LINGO2: variants seen among roughly 807,000 people sequenced by gnomAD.
LINGO2 encodes leucine rich repeat and Ig domain containing 2.
In LINGO2, 14 loss-of-function variants were observed where a neutral mutation model predicts 30.6. The ratio of observed to expected loss-of-function variants is 0.46; its 90% CI spans 0.30 to 0.72. The LOEUF is 0.72. Ranked by LOEUF, LINGO2 falls within the 30% of genes least tolerant of loss-of-function variation. The pLI, the probability that LINGO2 is intolerant of heterozygous loss-of-function variation, is 0.07. For missense variants in LINGO2, 729 were observed against 751.7 expected (o/e 0.97, Z 0.35); for synonymous variants, 317 against 288.5 (o/e 1.10, Z -1.00).
the LINGO2 span, among the ~76,000 whole-genome samples, chr9:28,767,660 C>T: frequency 1.3e-5 from 2 of 151,824 alleles, no homozygotes; most frequent in African/African-American, 2.4e-5. Context: ...GTGGTGGGTG[C>T]CTGTAGTCCC....
chr9:28,667,524 A>G (rs1046151957), intron 1 of LINGO2, among the ~76,000 whole-genome samples: 1 of 152,110 alleles, frequency 6.6e-6, no homozygotes, highest in African/African-American at 2.4e-5. Context: ...CAAGTGGATC[A>G]TTTGAGGTCA....
chr9:28,221,461 T>C (rs1240168394), intron 4 of LINGO2, among the ~76,000 whole-genome samples: 1 of 152,028 alleles, frequency 6.6e-6, no homozygotes, highest in Non-Finnish European at 1.5e-5. Context: ...AAATATATAA[T>C]AAAAATACAT....
At chr9:28,659,278 T>C (rs1448570409) in intron 1 of LINGO2, among the ~76,000 whole-genome samples, 2 of 151,938 alleles carry the variant, frequency 1.3e-5, no homozygotes, top group Admixed American at 6.6e-5. Context: ...AATATGAAGA[T>C]TAAGTAACCT....
intron 4 of LINGO2, among the ~76,000 whole-genome samples, chr9:28,127,233 A>G (rs1451372966): frequency 6.6e-6 from 1 of 152,138 alleles, no homozygotes; most frequent in Non-Finnish European, 1.5e-5. Flanking sequence ...TGGTGAATAG[A>G]ATGTAGTATA....
chr9:28,271,545 C>G (rs1433729851), intron 4 of LINGO2, among the ~76,000 whole-genome samples: 2 of 152,108 alleles, frequency 1.3e-5, no homozygotes, highest in African/African-American at 4.8e-5. Context: ...AAATATTAAA[C>G]TAAAGACACC....
At chr9:28,415,279 G>T (rs1822921437) in intron 2 of LINGO2, among the ~76,000 whole-genome samples, 1 of 152,102 alleles carries the variant, frequency 6.6e-6, no homozygotes, top group Non-Finnish European at 1.5e-5. Context: ...CCAGGACCTT[G>T]GGTCTTTCTC....
chr9:28,769,504 ATATATATATATATATTTTTTTTT>A, the LINGO2 span, among the ~76,000 whole-genome samples: 4 of 3,366 alleles, frequency 1.2e-3, 1 homozygote, highest in Non-Finnish European at 2.1e-3. Context: ...ATATATATAT[ATATATATATATATATTTTTTTTT>A]TTTTTTTTTT....
At chr9:28,898,619 A>G in the LINGO2 span, among the ~76,000 whole-genome samples, 1 of 152,138 alleles carries the variant, frequency 6.6e-6, no homozygotes, top group Non-Finnish European at 1.5e-5. Flanking sequence ...AAAACGCTAA[A>G]TTTGATGATA....
rs1467312996 is a variant in LINGO2, at chr9:28,371,833, G to A, written c.-246+1003C>T. The stretch of plus-strand genomic sequence containing the variant: ...AGTAGACATATTGGCATACACATAA[G>A]CTGAGGAATGTTAGGGAAACTATGC... On this transcript the variant is annotated intron_variant, in intron 3 of 5. Coordinates refer to ENST00000379992, the Ensembl canonical transcript of LINGO2. Among the ~76,000 whole-genome samples the A allele has an allele frequency of 2.0e-5, 3 of 152,248 alleles. No homozygotes were observed. In the East Asian group the frequency reaches 5.8e-4, roughly 29 times the overall value.
At chr9:29,114,306 C>T in the LINGO2 span, among the ~76,000 whole-genome samples, 6 of 151,252 alleles carry the variant, frequency 4.0e-5, no homozygotes, top group African/African-American at 1.2e-4. Context: ...AGCATTTTTT[C>T]GATTACCGCA....
At chr9:27,994,796 C>CT in intron 5 of LINGO2, among the ~76,000 whole-genome samples, 1 of 152,106 alleles carries the variant, frequency 6.6e-6, no homozygotes, top group African/African-American at 2.4e-5. Context: ...AAGTAGGGGA[C>CT]TTAAGGCAGG....
chr9:28,910,039 G>A, the LINGO2 span, among the ~76,000 whole-genome samples: 2 of 151,854 alleles, frequency 1.3e-5, no homozygotes. Context: ...ACTTTAACAA[G>A]GCCATGACAT....
At chr9:28,146,751 A>G (rs1827826765) in intron 4 of LINGO2, among the ~76,000 whole-genome samples, 1 of 152,204 alleles carries the variant, frequency 6.6e-6, no homozygotes, top group South Asian at 2.1e-4. Flanking sequence ...ATGTGTGGTG[A>G]ATAGTTGACC....
At chr9:28,561,153 T>A (rs555244134) in intron 1 of LINGO2, among the ~76,000 whole-genome samples, 1 of 152,104 alleles carries the variant, frequency 6.6e-6, no homozygotes, top group South Asian at 2.1e-4. Context: ...TTTTTGTAAC[T>A]CCTACCACTA....
the LINGO2 span, among the ~76,000 whole-genome samples, chr9:28,921,836 A>G: frequency 6.6e-6 from 1 of 152,190 alleles, no homozygotes; most frequent in Admixed American, 6.5e-5. Flanking sequence ...CAAATTGTAA[A>G]CATCGGCAGG....
chr9:28,437,902 A>G (rs1216109672), intron 2 of LINGO2, among the ~76,000 whole-genome samples: 2 of 152,196 alleles, frequency 1.3e-5, no homozygotes, highest in Non-Finnish European at 1.5e-5. Flanking sequence ...TTTAGTGTTA[A>G]CACCATAGAT....
At chr9:28,878,648 G>A in the LINGO2 span, among the ~76,000 whole-genome samples, 1 of 152,178 alleles carries the variant, frequency 6.6e-6, no homozygotes, top group Non-Finnish European at 1.5e-5. Context: ...CCAGGATCAA[G>A]TGGGCTTCAT....
exon 6 of LINGO2, chr9:27,950,070 C>A (rs752433012): frequency 6.2e-7 from 1 of 1,613,956 alleles, no homozygotes; most frequent in Non-Finnish European, 8.5e-7. Flanking sequence ...GATGAGGCTG[C>A]GGAGGTGGGA....
chr9:28,243,045 C>T (rs536969674), intron 4 of LINGO2, among the ~76,000 whole-genome samples: 1 of 152,220 alleles, frequency 6.6e-6, no homozygotes, highest in Non-Finnish European at 1.5e-5. Context: ...CCATTGACAT[C>T]ATGAAGAAAC....
Sources: gnomAD v4.1 joint callset for allele counts (sites outside exome capture counted in the v4.1 genomes callset) on GRCh38, gnomAD v4.1.1 for gene constraint, MANE v1.5 for transcripts, NCBI Gene and HGNC (gene_info 2026-07-23, HGNC 2026-07-21) for gene names.